XIRP2: variants seen among roughly 807,000 people sequenced by gnomAD.
XIRP2 encodes xin actin binding repeat containing 2, also known as xin actin-binding repeat-containing protein 2.
XIRP2 carries 236 observed loss-of-function variants against 277.0 expected under a neutral mutation model. That is an observed-to-expected ratio of 0.85 (90% CI 0.77 to 0.95). The LOEUF is 0.95. Ranked by LOEUF, XIRP2 falls within the 40% of genes least tolerant of loss-of-function variation. XIRP2 has a pLI of 0.00. For synonymous variants in XIRP2, 1,490 were observed against 1,416.5 expected (o/e 1.05, Z -1.17); for missense variants, 4,640 against 4,157.5 (o/e 1.12, Z -3.19).
chr2:167,238,871 TATCAATCA>T (rs538585939), intron 5 of XIRP2, among the ~76,000 whole-genome samples: 143 of 152,224 alleles, frequency 9.4e-4, no homozygotes, highest in Middle Eastern at 3.4e-3. Flanking sequence ...TGCTTCATCA[TATCAATCA>T]ATCAATCAAT....
At chr2:166,977,033 A>C (rs953378966) in intron 2 of XIRP2, among the ~76,000 whole-genome samples, 1 of 152,052 alleles carries the variant, frequency 6.6e-6, no homozygotes, top group Admixed American at 6.5e-5. Context: ...ATGTATTTTT[A>C]TTTTCCTCTT....
Position 167,250,518 on chromosome 2 carries a change from G to A in XIRP2, c.9126G>A (p.Pro3042=), listed in dbSNP as rs191522105. 3,864 of 1,613,356 alleles carry A rather than the reference G, an allele frequency of 2.4e-3. 8 individuals carry two copies. The highest frequency in any genetic ancestry group is 3.1e-3 in the Non-Finnish European group (3,681 of 1,179,626). ...TAMMSSKTGK[P]GNKPTSLDET... The stretch of plus-strand genomic sequence containing the variant: ...TGATGTCCTCCAAAACAGGAAAACC[G>A]GGAAATAAACCCACTAGTCTTGATG... The change falls in exon 9 of 11, where the codon CCG becomes CCA. Residue 3042 remains proline, a synonymous_variant. Coordinates refer to ENST00000409195, the MANE Select transcript of XIRP2 (RefSeq NM_152381.6).
chr2:166,902,298 G>C (rs557891442), intron 1 of XIRP2, among the ~76,000 whole-genome samples: 1 of 152,166 alleles, frequency 6.6e-6, no homozygotes, highest in South Asian at 2.1e-4. Context: ...TGAACACAAA[G>C]TTTGTTTCTT....
chr2:167,246,943 G>GCTGTAAATCAGAAAACA lies in XIRP2; in HGVS notation c.5552_5568dup (p.Val1857LeufsTer2). On this transcript the variant is annotated frameshift_variant, in exon 9 of 11. Coordinates refer to ENST00000409195, the MANE Select transcript of XIRP2 (RefSeq NM_152381.6). LOFTEE classifies it high-confidence loss of function. ...ATCAACCCTAAATTCCCTCAGCCAG[G>GCTGTAAATCAGAAAACA]CTGTAAATCAGAAAACAGTGACGAA... 6.2e-7 allele frequency: 1 copy of GCTGTAAATCAGAAAACA among 1,613,394 alleles called. No individual in the cohort carries two copies. The highest frequency in any genetic ancestry group is 8.5e-7 in the Non-Finnish European group (1 of 1,179,778).
intron 2 of XIRP2, among the ~76,000 whole-genome samples, chr2:166,926,884 A>G (rs1685201882): frequency 6.6e-6 from 1 of 152,124 alleles, no homozygotes; most frequent in African/African-American, 2.4e-5. Context: ...ACAGTGCATC[A>G]GTCATAATAC....
chr2:167,183,858 C>T (rs1693085484), intron 3 of XIRP2, among the ~76,000 whole-genome samples: 1 of 152,070 alleles, frequency 6.6e-6, no homozygotes, highest in African/African-American at 2.4e-5. Context: ...TTGTGACCTT[C>T]GTCAGAGATA....
At chr2:167,114,090 C>A (rs1254435758) in intron 2 of XIRP2, among the ~76,000 whole-genome samples, 4 of 152,102 alleles carry the variant, frequency 2.6e-5, no homozygotes, top group Non-Finnish European at 5.9e-5. Flanking sequence ...TGAAGAATTT[C>A]ATGATTAAGT....
intron 2 of XIRP2, among the ~76,000 whole-genome samples, chr2:167,081,626 A>G (rs79851341): frequency 0.014 from 2,159 of 152,298 alleles, 59 homozygotes; most frequent in African/African-American, 0.05. Context: ...ATTTGTTATT[A>G]TTTATCTAAG....
intron 2 of XIRP2, among the ~76,000 whole-genome samples, chr2:166,959,956 A>G (rs1007548989): frequency 6.6e-6 from 1 of 151,802 alleles, no homozygotes; most frequent in African/African-American, 2.4e-5. Flanking sequence ...ATAATTGAGT[A>G]AATTAAAAAT....
Position 167,250,041 on chromosome 2 carries a change from TA to T in XIRP2, c.8655del (p.Lys2885AsnfsTer46), listed in dbSNP as rs775261942. On this transcript the variant is annotated frameshift_variant, in exon 9 of 11. Coordinates refer to ENST00000409195, the MANE Select transcript of XIRP2 (RefSeq NM_152381.6). LOFTEE classifies it high-confidence loss of function. ...AGACCGCTGAAAGTAAAGCTGAACATAAAAAATTGCCCCAGCCATATAATAG... is the reference window on the plus strand; with the variant it reads ...AGACCGCTGAAAGTAAAGCTGAACATAAAAATTGCCCCAGCCATATAATAG... The part of the protein sequence containing the change: ...IQTAESKAEH[K>X]KLPQPYNSLQ... 1.2e-5 allele frequency: 19 copies of T among 1,613,364 alleles called. No homozygotes were observed. In the Admixed American group the frequency reaches 3.0e-4, roughly 26 times the overall value.
At chr2:167,027,068 A>G (rs760323429) in intron 2 of XIRP2, among the ~76,000 whole-genome samples, 1 of 151,924 alleles carries the variant, frequency 6.6e-6, no homozygotes, top group Non-Finnish European at 1.5e-5. Flanking sequence ...TAGATTGGGG[A>G]AGTTCTCCTG....
At chr2:166,954,943 A>G (rs1011928989) in intron 2 of XIRP2, among the ~76,000 whole-genome samples, 1 of 151,810 alleles carries the variant, frequency 6.6e-6, no homozygotes. Context: ...GAGCATTAGG[A>G]AAGAGAGTTA....
chr2:167,220,800 A>G (rs2105403652), intron 5 of XIRP2, among the ~76,000 whole-genome samples: 1 of 152,320 alleles, frequency 6.6e-6, no homozygotes, highest in East Asian at 1.9e-4. Context: ...ATGGTTTTCA[A>G]TGAAGAATAT....
At chr2:167,167,360 T>A (rs1263767091) in intron 3 of XIRP2, among the ~76,000 whole-genome samples, 1 of 152,192 alleles carries the variant, frequency 6.6e-6, no homozygotes, top group Admixed American at 6.5e-5. Context: ...TAGATTAATA[T>A]TTTTCATATT....
At chr2:167,165,191 A>G (rs151279715) in intron 3 of XIRP2, among the ~76,000 whole-genome samples, 6 of 152,294 alleles carry the variant, frequency 3.9e-5, no homozygotes, top group African/African-American at 1.2e-4. Flanking sequence ...ATTTTCTTCT[A>G]CATTGAATAA....
intron 3 of XIRP2, among the ~76,000 whole-genome samples, chr2:167,140,463 A>G (rs567716057): frequency 2.6e-5 from 4 of 152,132 alleles, no homozygotes; most frequent in Non-Finnish European, 5.9e-5. Context: ...ATTTAGTCAC[A>G]GAGTAGTTCC....
chr2:166,937,737 G>A (rs1007070783), intron 2 of XIRP2, among the ~76,000 whole-genome samples: 1 of 152,040 alleles, frequency 6.6e-6, no homozygotes, highest in Non-Finnish European at 1.5e-5. Flanking sequence ...GACATTTTTT[G>A]GTTAGTAAGC....
At chr2:167,158,728 A>T (rs902204841) in intron 3 of XIRP2, among the ~76,000 whole-genome samples, 1 of 152,232 alleles carries the variant, frequency 6.6e-6, no homozygotes, top group African/African-American at 2.4e-5. Flanking sequence ...TTTCAAATAC[A>T]TACATATGAC....
In XIRP2 at chr2:167,258,588, A is replaced by G. The variant is rs1474674925; in HGVS notation, c.*771A>G. The G allele has an allele frequency of 6.2e-7, 1 of 1,613,110 alleles. No individual in the cohort carries two copies. Among genetic ancestry groups the G allele is most frequent in the Non-Finnish European group, 8.5e-7 (1 of 1,179,566 alleles). On this transcript the variant is annotated 3_prime_UTR_variant, in exon 11 of 11. Coordinates refer to ENST00000409195, the MANE Select transcript of XIRP2 (RefSeq NM_152381.6). ...AAAAATGAAAAAACTAACCAAACTAATGGTGCAGAAGTTTTACAGGTTACT... is the reference window on the plus strand; with the variant it reads ...AAAAATGAAAAAACTAACCAAACTAGTGGTGCAGAAGTTTTACAGGTTACT...
Sources: allele counts gnomAD v4.1 joint callset (sites outside exome capture counted in the v4.1 genomes callset), GRCh38; gene constraint gnomAD v4.1.1; transcripts MANE v1.5; gene names NCBI Gene and HGNC (gene_info 2026-07-23, HGNC 2026-07-21).